The following OXR1 variants were observed in gnomAD, a reference collection of about 807,000 sequenced individuals.
OXR1 encodes the protein oxidation resistance 1.
In OXR1, 41 loss-of-function variants were observed where a neutral mutation model predicts 104.6. That is an observed-to-expected ratio of 0.39 (90% confidence interval 0.31 to 0.51). OXR1 has a LOEUF of 0.51. Among genes scored for constraint, OXR1 ranks in the 20% least tolerant of loss-of-function variants. The pLI is 0.77. For synonymous variants in OXR1, 348 were observed against 348.4 expected (o/e 1.00, Z 0.01); for missense variants, 955 against 1,031.9 (o/e 0.93, Z 1.02).
At chr8:106,682,653 A>G (rs1828293240) in intron 4 of OXR1, 1 of 154,172 alleles carries the variant, frequency 6.5e-6, no homozygotes. Context: ...CTTTTAGGGT[A>G]ATTGATGAAA....
intron 3 of OXR1, among the ~76,000 whole-genome samples, chr8:106,677,396 G>A (rs1827711559): frequency 6.6e-6 from 1 of 152,034 alleles, no homozygotes; most frequent in Admixed American, 6.6e-5. Context: ...AGAAGAATTA[G>A]AATACTTTGA....
Position 106,710,743 on chromosome 8 carries a change from A to G in OXR1, c.1746A>G (p.Ala582=), listed in dbSNP as rs779090299. 7.8e-5 allele frequency: 122 copies of G among 1,573,950 alleles called. No homozygotes were observed. Among genetic ancestry groups the G allele is most frequent in the Non-Finnish European group, 9.1e-5 (105 of 1,159,610 alleles). ...SQASATMQQY[A]QRDKKHEYWF... is the part of the protein sequence containing the mutation. Reference sequence around the variant, plus strand: ...CAAGTGCTACAATGCAACAGTATGCACAGAGAGATAAGAAACATGAATATT... The same window carrying G: ...CAAGTGCTACAATGCAACAGTATGCGCAGAGAGATAAGAAACATGAATATT... Residue 582 remains alanine (A), a synonymous_variant, in exon 10 of 17, where the codon GCA becomes GCG. Transcript: ENST00000517566.
intron 1 of OXR1, among the ~76,000 whole-genome samples, chr8:106,274,605 C>G (rs1388742784): frequency 1.5e-5 from 2 of 134,494 alleles, no homozygotes; most frequent in Admixed American, 1.5e-4. Flanking sequence ...ACGCCACCCC[C>G]CCCCCGACCC....
chr8:106,609,502 G>A (rs1820654398), intron 3 of OXR1, among the ~76,000 whole-genome samples: 1 of 152,092 alleles, frequency 6.6e-6, no homozygotes, highest in East Asian at 1.9e-4. Context: ...TTATCGGAAG[G>A]AAAATTTAAA....
chr8:106,357,575 CAG>C (rs1243010037), intron 1 of OXR1, among the ~76,000 whole-genome samples: 6 of 152,082 alleles, frequency 3.9e-5, no homozygotes, highest in East Asian at 1.9e-4. Context: ...CAACAATTTT[CAG>C]AGTGTGCTTT....
intron 1 of OXR1, among the ~76,000 whole-genome samples, chr8:106,322,369 A>G (rs1814262374): frequency 6.6e-6 from 1 of 152,212 alleles, no homozygotes; most frequent in African/African-American, 2.4e-5. Flanking sequence ...AAATACTCCC[A>G]GTAAGCTGGG....
At chr8:106,504,139 T>G (rs1330237157) in intron 2 of OXR1, among the ~76,000 whole-genome samples, 1 of 152,218 alleles carries the variant, frequency 6.6e-6, no homozygotes, top group African/African-American at 2.4e-5. Context: ...ACCTGTTCCC[T>G]CGTTGGGCTA....
chr8:106,447,542 A>G (rs1445051377), intron 2 of OXR1, among the ~76,000 whole-genome samples: 1 of 152,206 alleles, frequency 6.6e-6, no homozygotes, highest in East Asian at 1.9e-4. Context: ...TGTGAGATTA[A>G]CGAAGTCATG....
At chr8:106,497,733 A>T (rs1045231215) in intron 2 of OXR1, among the ~76,000 whole-genome samples, 2 of 152,108 alleles carry the variant, frequency 1.3e-5, no homozygotes, top group East Asian at 1.9e-4. Context: ...TAGATGATTA[A>T]ACCCCTCTTC....
At chr8:106,742,428 A>T (rs1450856648) in intron 15 of OXR1, 111 bp downstream of exon 15, 1 of 624,276 alleles carries the variant, frequency 1.6e-6, no homozygotes, top group Non-Finnish European at 2.7e-6. Flanking sequence ...GATATTCTTC[A>T]CAGAATTAGG....
At chr8:106,742,094 A>C in intron 14 of OXR1, 128 bp from the exon 15 acceptor site, 1 of 607,442 alleles carries the variant, frequency 1.6e-6, no homozygotes, top group Non-Finnish European at 2.9e-6. Flanking sequence ...TTCCCTTTTT[A>C]AGTATGATTA....
chr8:106,413,139 A>G (rs969527660), intron 2 of OXR1, among the ~76,000 whole-genome samples: 8 of 57,948 alleles, frequency 1.4e-4, no homozygotes, highest in Non-Finnish European at 2.0e-4. Flanking sequence ...ACTTTTGTAG[A>G]AAAAAAAAAT....
intron 2 of OXR1, among the ~76,000 whole-genome samples, chr8:106,365,427 A>G (rs1816427766): frequency 6.7e-6 from 1 of 150,366 alleles, no homozygotes; most frequent in African/African-American, 2.5e-5. Flanking sequence ...ATAACCTAGG[A>G]AGAGAAAAAA....
chr8:106,400,015 C>T (rs1212319830), intron 2 of OXR1, among the ~76,000 whole-genome samples: 2 of 152,120 alleles, frequency 1.3e-5, no homozygotes, highest in Non-Finnish European at 2.9e-5. Context: ...TTCTGTTCTA[C>T]TTTTTGTTAA....
chr8:106,584,725 C>A (rs1277665800), intron 3 of OXR1, among the ~76,000 whole-genome samples: 1 of 152,022 alleles, frequency 6.6e-6, no homozygotes, highest in Non-Finnish European at 1.5e-5. Context: ...ATTACAGTTT[C>A]TCAAGTGCTC....
At chr8:106,282,481 T>A (rs945962213) in intron 1 of OXR1, among the ~76,000 whole-genome samples, 2 of 152,172 alleles carry the variant, frequency 1.3e-5, no homozygotes, top group Admixed American at 6.5e-5. Context: ...AATACACATA[T>A]AACATTCGAC....
At chr8:106,603,391 C>CA (rs1003445248) in intron 3 of OXR1, among the ~76,000 whole-genome samples, 9 of 149,266 alleles carry the variant, frequency 6.0e-5, no homozygotes, top group Admixed American at 1.3e-4. Flanking sequence ...AAATAAAAAG[C>CA]AAAAAAAAAG....
At chr8:106,484,479 GAAAT>G (rs1822328553) in intron 2 of OXR1, among the ~76,000 whole-genome samples, 1 of 151,690 alleles carries the variant, frequency 6.6e-6, no homozygotes. Flanking sequence ...GCAAACAAAA[GAAAT>G]AAAATAAACC....
At chr8:106,563,956 A>C (rs1454398281) in intron 3 of OXR1, among the ~76,000 whole-genome samples, 1 of 152,234 alleles carries the variant, frequency 6.6e-6, no homozygotes, top group East Asian at 1.9e-4. Flanking sequence ...CAAAGACACA[A>C]TGTACCAGAA....
Sources: gnomAD v4.1 joint callset for allele counts (sites outside exome capture counted in the v4.1 genomes callset) on GRCh38, gnomAD v4.1.1 for gene constraint, MANE v1.5 for transcripts, NCBI Gene and HGNC (gene_info 2026-07-23, HGNC 2026-07-21) for gene names.